RNF170: variants seen among roughly 807,000 people sequenced by gnomAD.
RNF170 encodes E3 ubiquitin-protein ligase RNF170.
A neutral mutation model predicts 32.7 loss-of-function variants in RNF170; 12 were observed. The observed-to-expected ratio is 0.37, with a 90% CI of 0.24 to 0.60. The LOEUF (loss-of-function observed/expected upper bound fraction) is 0.60. Ranked by LOEUF, RNF170 falls within the 20% of genes least tolerant of loss-of-function variation. The pLI is 0.72. For missense variants in RNF170, 212 were observed against 311.2 expected (o/e 0.68, Z 2.40); for synonymous variants, 91 against 103.6 (o/e 0.88, Z 0.74).
At chr8:42,889,008 T>C (rs930798969) in intron 1 of RNF170, among the ~76,000 whole-genome samples, 11 of 152,180 alleles carry the variant, frequency 7.2e-5, no homozygotes, top group South Asian at 2.1e-4. Context: ...TAGGACCTAA[T>C]AGATATCTGT....
chr8:42,890,295 T>G (rs1806190822), intron 1 of RNF170, among the ~76,000 whole-genome samples: 1 of 151,390 alleles, frequency 6.6e-6, no homozygotes, highest in South Asian at 2.1e-4. Flanking sequence ...TTTCTTTTTT[T>G]GAGACGGAGT....
rs1186669001 is a variant in RNF170 at position 42,853,777 on chromosome 8, C to A, written c.*2382G>T. On this transcript the variant is annotated 3_prime_UTR_variant, in exon 7 of 7. Transcript: ENST00000527424. ...TCGGTAAAGATGACAACAAGCAGGT[C>A]TAAAGTTCTGAGATGTTAGCACATA... The A allele has an allele frequency of 2.3e-6, 3 of 1,287,084 alleles. No individual in the cohort carries two copies. The African/African-American group carries it at 4.6e-5, about 20-fold the overall frequency. 79.7% of individuals were successfully genotyped at this position (1,287,084 alleles called of 1,614,324 possible).
At chr8:42,866,629 A>G (rs1804105055) in intron 4 of RNF170, among the ~76,000 whole-genome samples, 1 of 152,178 alleles carries the variant, frequency 6.6e-6, no homozygotes, top group African/African-American at 2.4e-5. Flanking sequence ...AAAAGACACA[A>G]AAAGATTATA....
At chr8:42,867,939 TA>T (rs2128932132) in intron 4 of RNF170, among the ~76,000 whole-genome samples, 1 of 152,232 alleles carries the variant, frequency 6.6e-6, no homozygotes, top group South Asian at 2.1e-4. Context: ...CTTCAGGTTT[TA>T]AGAACAGCAA....
At position 42,865,403 on chromosome 8, in the gene RNF170, C is replaced by T. The variant is rs1804009820; in HGVS notation, c.396+13G>A. On this transcript the variant is annotated intron_variant, in intron 5 of 6. Transcript: ENST00000527424. ...ACTAGCATAAATGATACTTTCTGCACACAAAACATTACCGTTTGTCTACAG... is the reference window on the plus strand; with the variant it reads ...ACTAGCATAAATGATACTTTCTGCATACAAAACATTACCGTTTGTCTACAG... 1 of 1,600,410 alleles carries T rather than the reference C, an allele frequency of 6.2e-7. No individual in the cohort carries two copies. The highest frequency in any genetic ancestry group is 2.2e-5 in the East Asian group (1 of 44,804).
intron 6 of RNF170, among the ~76,000 whole-genome samples, chr8:42,858,021 C>T (rs372630608): frequency 2.7e-4 from 41 of 152,088 alleles, no homozygotes; most frequent in East Asian, 2.1e-3. Flanking sequence ...GGCGACAGAG[C>T]GAGACTCTGT....
At chr8:42,877,528 T>C (rs1403338521) in intron 2 of RNF170, among the ~76,000 whole-genome samples, 2 of 152,316 alleles carry the variant, frequency 1.3e-5, no homozygotes, top group Non-Finnish European at 2.9e-5. Context: ...AATGGTCAAA[T>C]ACTTTTTGAC....
At chr8:42,893,568 A>T (rs1402331329) in intron 1 of RNF170, among the ~76,000 whole-genome samples, 1 of 152,180 alleles carries the variant, frequency 6.6e-6, no homozygotes, top group Non-Finnish European at 1.5e-5. Context: ...CGGGTGTGGC[A>T]GGGGAAGTGC....
chr8:42,876,534 A>G (rs1280763400), intron 2 of RNF170, among the ~76,000 whole-genome samples: 1 of 152,110 alleles, frequency 6.6e-6, no homozygotes, highest in African/African-American at 2.4e-5. Context: ...CCATGAAGCC[A>G]ATTCTCGCTA....
Position 42,855,825 on chromosome 8 carries a change from ACTATACAT to A in RNF170, c.*326_*333del. ...ATAAACTGACATTTAACAATATTTT[ACTATACAT>A]CTAATTAATCTAAGTAATTCTGGGG... On this transcript the variant is annotated 3_prime_UTR_variant, in exon 7 of 7. Coordinates refer to ENST00000527424, the MANE Select transcript of RNF170 (RefSeq NM_030954.4). 1 of 1,220,242 alleles carries A rather than the reference ACTATACAT, an allele frequency of 8.2e-7. No individual in the cohort carries two copies. Among genetic ancestry groups the A allele is most frequent in the Non-Finnish European group, 1.1e-6 (1 of 934,516 alleles). 75.6% of individuals were successfully genotyped at this position (1,220,242 alleles called of 1,614,324 possible).
chr8:42,863,061 T>C (rs976190508), intron 5 of RNF170, among the ~76,000 whole-genome samples: 1 of 152,196 alleles, frequency 6.6e-6, no homozygotes, highest in Non-Finnish European at 1.5e-5. Context: ...GGAGAAGTGG[T>C]GAATGTGTTC....
At position 42,853,939 on chromosome 8, in the gene RNF170, C is replaced by A; in HGVS notation, c.*2220G>T. ...AATTATTGTAACCAGAATTGTGACACTTGGAGCAGAATGCATGCACACAAA... is the reference window on the plus strand; with the variant it reads ...AATTATTGTAACCAGAATTGTGACAATTGGAGCAGAATGCATGCACACAAA... On this transcript the variant is annotated 3_prime_UTR_variant, in exon 7 of 7. Coordinates refer to ENST00000527424, the MANE Select transcript of RNF170 (RefSeq NM_030954.4). 1 of 1,287,174 alleles carries A rather than the reference C, an allele frequency of 7.8e-7. No homozygotes were observed. Among genetic ancestry groups the A allele is most frequent in the Non-Finnish European group, 1.0e-6 (1 of 988,658 alleles). 79.7% of individuals were successfully genotyped at this position (1,287,174 alleles called of 1,614,324 possible). A position where few individuals can be genotyped will look rare whatever the true frequency, so the allele number is the denominator to read the frequency against.
At chr8:42,895,322 A>G (rs187720528) in intron 1 of RNF170, among the ~76,000 whole-genome samples, 1 of 152,118 alleles carries the variant, frequency 6.6e-6, no homozygotes, top group Admixed American at 6.5e-5. Context: ...CATCAACAAC[A>G]ACAAAAAACC....
At chr8:42,883,979 G>A (rs1241610000) in intron 2 of RNF170, among the ~76,000 whole-genome samples, 1 of 152,158 alleles carries the variant, frequency 6.6e-6, no homozygotes, top group African/African-American at 2.4e-5. Flanking sequence ...AACTTGAAAA[G>A]ATGTCACTGT....
chr8:42,852,784 C>G (rs1802974316), downstream of RNF170, among the ~76,000 whole-genome samples: 1 of 152,070 alleles, frequency 6.6e-6, no homozygotes. Flanking sequence ...TGTAAAACAT[C>G]TCCGTGACTA....
In RNF170 at chr8:42,856,426, A is replaced by T. The variant is rs1462287320; in HGVS notation, c.510T>A (p.Ile170=). 6.8e-6 allele frequency: 11 copies of T among 1,608,130 alleles called. No homozygotes were observed. Among genetic ancestry groups the T allele is most frequent in the Non-Finnish European group, 8.5e-6 (10 of 1,176,126 alleles). ...TGGGTAGATCCATAATTCTCTCCATAATCTGGTAGAGGGAAAAACAAGTAT... is the reference window on the plus strand; with the variant it reads ...TGGGTAGATCCATAATTCTCTCCATTATCTGGTAGAGGGAAAAACAAGTAT... ...NRRFSGQPRS[I]MERIMDLPTL... Residue 170 remains isoleucine (I), a splice_region_variant and synonymous_variant, in exon 7 of 7, where the codon ATT becomes ATA. Coordinates refer to ENST00000527424, the MANE Select transcript of RNF170 (RefSeq NM_030954.4).
chr8:42,894,812 C>G (rs1263172591), intron 1 of RNF170, among the ~76,000 whole-genome samples: 2 of 152,134 alleles, frequency 1.3e-5, no homozygotes, highest in African/African-American at 2.4e-5. Flanking sequence ...CCTCGGCCTC[C>G]CAAAGTGCTG....
intron 2 of RNF170, among the ~76,000 whole-genome samples, chr8:42,882,192 T>C (rs1022321439): frequency 1.9e-4 from 29 of 151,868 alleles, no homozygotes; most frequent in African/African-American, 6.8e-4. Context: ...AGTCTGGAGG[T>C]TCCTTAAAAT....
intron 4 of RNF170, 98 bp from the exon 5 acceptor site, chr8:42,865,587 A>T: frequency 1.1e-6 from 1 of 900,214 alleles, no homozygotes. Context: ...ATATTTTAAC[A>T]GTACCACGTT....
Sources: gnomAD v4.1 joint callset for allele counts (sites outside exome capture counted in the v4.1 genomes callset) on GRCh38, gnomAD v4.1.1 for gene constraint, MANE v1.5 for transcripts, NCBI Gene and HGNC (gene_info 2026-07-23, HGNC 2026-07-21) for gene names.